FMNL2: variants seen among roughly 807,000 people sequenced by gnomAD.
FMNL2 encodes formin-like protein 2.
In FMNL2, 51 loss-of-function variants were observed where a neutral mutation model predicts 130.2. The ratio of observed to expected loss-of-function variants is 0.39; its 90% CI spans 0.31 to 0.49. FMNL2 has a LOEUF of 0.49. Ranked by LOEUF, FMNL2 falls within the 20% of genes least tolerant of loss-of-function variation. The pLI, the probability that FMNL2 is intolerant of heterozygous loss-of-function variation, is 0.85. For missense variants in FMNL2, 977 were observed against 1,316.2 expected (o/e 0.74, Z 3.99); for synonymous variants, 465 against 467.1 (o/e 1.00, Z 0.06).
intron 1 of FMNL2, among the ~76,000 whole-genome samples, chr2:152,401,346 A>G (rs1399343075): frequency 6.6e-6 from 1 of 152,232 alleles, no homozygotes; most frequent in African/African-American, 2.4e-5. Context: ...CACGTTGGAC[A>G]TCTCACCCCT....
intron 1 of FMNL2, among the ~76,000 whole-genome samples, chr2:152,426,660 T>A (rs2106069209): frequency 6.6e-6 from 1 of 152,058 alleles, no homozygotes; most frequent in East Asian, 1.9e-4. Context: ...CAGATGATTC[T>A]GATGGGCAGC....
At chr2:152,647,527 A>G (rs1323558522) in intron 25 of FMNL2, among the ~76,000 whole-genome samples, 1 of 152,250 alleles carries the variant, frequency 6.6e-6, no homozygotes, top group Non-Finnish European at 1.5e-5. Context: ...ATAAGACTTC[A>G]GCTAGACTCT....
chr2:152,511,977 A>G (rs1692517393), intron 1 of FMNL2, among the ~76,000 whole-genome samples: 1 of 152,204 alleles, frequency 6.6e-6, no homozygotes. Context: ...GAAAGTTGAC[A>G]TTCAACAGCA....
At chr2:152,548,070 C>G (rs1694742463) in intron 3 of FMNL2, among the ~76,000 whole-genome samples, 1 of 152,050 alleles carries the variant, frequency 6.6e-6, no homozygotes, top group Non-Finnish European at 1.5e-5. Context: ...GAAAGAAGCC[C>G]CGAGGGATTC....
At chr2:152,454,632 A>G (rs1255241914) in intron 1 of FMNL2, among the ~76,000 whole-genome samples, 1 of 152,190 alleles carries the variant, frequency 6.6e-6, no homozygotes, top group African/African-American at 2.4e-5. Context: ...ACCTTCCTGG[A>G]GTATTTGCTC....
At chr2:152,563,139 G>T (rs1222607969) in intron 6 of FMNL2, among the ~76,000 whole-genome samples, 1 of 152,170 alleles carries the variant, frequency 6.6e-6, no homozygotes, top group East Asian at 1.9e-4. Flanking sequence ...CTTCAAAGTG[G>T]ATCTTGCTAG....
chr2:152,605,572 G>A (rs569898919), intron 9 of FMNL2, among the ~76,000 whole-genome samples: 33 of 152,226 alleles, frequency 2.2e-4, no homozygotes, highest in African/African-American at 6.7e-4. Flanking sequence ...CGATCCTCCC[G>A]CTTTGGCCTC....
At chr2:152,528,420 A>G (rs1182352992) in intron 2 of FMNL2, among the ~76,000 whole-genome samples, 2 of 152,178 alleles carry the variant, frequency 1.3e-5, no homozygotes, top group African/African-American at 4.8e-5. Context: ...CCAAGGCCCT[A>G]AAGGAGATTT....
At chr2:152,621,641 T>A (rs1681312423) in intron 15 of FMNL2, among the ~76,000 whole-genome samples, 1 of 152,222 alleles carries the variant, frequency 6.6e-6, no homozygotes, top group Non-Finnish European at 1.5e-5. Context: ...CATTATAAGA[T>A]CCTTGTGAGT....
Position 152,626,509 on chromosome 2 carries a change from T to C in FMNL2, c.1963-16T>C, listed in dbSNP as rs781370255. Reference sequence around the variant, plus strand: ...AATATAATCCAATTTTCCATGGTCATTCCTCTCTATCTTAGGATTTAAATG... The same window carrying C: ...AATATAATCCAATTTTCCATGGTCACTCCTCTCTATCTTAGGATTTAAATG... On this transcript the variant is annotated splice_polypyrimidine_tract_variant and intron_variant, in intron 16 of 25. Coordinates refer to ENST00000288670, the MANE Select transcript of FMNL2 (RefSeq NM_052905.4). The C allele has an allele frequency of 6.3e-6, 10 of 1,580,690 alleles. No individual in the cohort carries two copies. Among genetic ancestry groups the C allele is most frequent in the Non-Finnish European group, 8.6e-6 (10 of 1,162,374 alleles).
intron 6 of FMNL2, among the ~76,000 whole-genome samples, chr2:152,574,813 G>A (rs1252021342): frequency 1.3e-5 from 2 of 152,184 alleles, no homozygotes; most frequent in African/African-American, 4.8e-5. Context: ...GATAGAGGAA[G>A]GGGAAGAACT....
intron 1 of FMNL2, among the ~76,000 whole-genome samples, chr2:152,386,245 A>AC (rs1684774917): frequency 6.6e-6 from 1 of 152,236 alleles, no homozygotes; most frequent in South Asian, 2.1e-4. Flanking sequence ...AGGGAGAATT[A>AC]CAAAGTACAG....
chr2:152,632,829 T>C (rs2105938548), intron 21 of FMNL2, among the ~76,000 whole-genome samples: 1 of 152,318 alleles, frequency 6.6e-6, no homozygotes, highest in South Asian at 2.1e-4. Context: ...AAAGGAATGA[T>C]ATGCAGATTG....
Position 152,639,989 on chromosome 2 carries a change from A to G in FMNL2, c.2978A>G (p.Lys993Arg), listed in dbSNP as rs866326693. 1.9e-6 allele frequency: 3 copies of G among 1,558,674 alleles called. No homozygotes were observed. The highest frequency in any genetic ancestry group is 1.7e-6 in the Non-Finnish European group (2 of 1,151,638). Residue 993 changes from lysine to arginine, a missense_variant, in exon 24 of 26, where the codon AAG becomes AGG. Lys to Arg is a conservative substitution (Grantham distance 26). This residue lies in a region of FMNL2 where 168 missense variants were observed against 168.8 expected (regional missense o/e 1.00). Coordinates refer to ENST00000288670, the MANE Select transcript of FMNL2 (RefSeq NM_052905.4). ...GAAGAGGAAAATGAGCTGAGGAAAAAGCAGGAACAAGCTCTCATGGAAAAA... is the reference window on the plus strand; with the variant it reads ...GAAGAGGAAAATGAGCTGAGGAAAAGGCAGGAACAAGCTCTCATGGAAAAA... The part of the protein sequence containing the change: ...QAEEENELRK[K>R]QEQALMEKLL...
chr2:152,519,503 A>G (rs1692955864), intron 1 of FMNL2, among the ~76,000 whole-genome samples: 1 of 152,218 alleles, frequency 6.6e-6, no homozygotes, highest in African/African-American at 2.4e-5. Context: ...ATGTTTGCCA[A>G]GTGCTTCCAC....
chr2:152,432,557 G>A lies in FMNL2; in HGVS notation c.118-89386G>A, dbSNP rs187142414. On this transcript the variant is annotated intron_variant, in intron 1 of 25. Coordinates refer to ENST00000288670, the MANE Select transcript of FMNL2 (RefSeq NM_052905.4). Reference sequence around the variant, plus strand: ...TTTCCAGATGCATCAGCAGATGGCCGTCCAAAGCTCTAAATTTGTACCTTG... The same window carrying A: ...TTTCCAGATGCATCAGCAGATGGCCATCCAAAGCTCTAAATTTGTACCTTG... Among the ~76,000 whole-genome samples, 8 of 152,252 alleles carry A rather than the reference G, an allele frequency of 5.3e-5. No individual in the cohort carries two copies. The East Asian group carries it at 5.8e-4, about 11-fold the overall frequency.
At chr2:152,570,524 G>A (rs1186247157) in intron 6 of FMNL2, among the ~76,000 whole-genome samples, 1 of 152,132 alleles carries the variant, frequency 6.6e-6, no homozygotes, top group Non-Finnish European at 1.5e-5. Flanking sequence ...AGCATCCAGG[G>A]CCCCAAAGGC....
In FMNL2 at chr2:152,647,858, G is replaced by C; in HGVS notation, c.3232G>C (p.Asp1078His). ...AVRRSVRRRF[D>H]DQNLRSVNGA... ...GAGGAGAAGCGTCAGGCGGCGCTTT[G>C]ATGATCAGAACTTGCGTTCTGTTAA... The change falls in exon 26 of 26, where the codon GAT (aspartate) becomes CAT (histidine). Residue 1078 changes from aspartate to histidine, a missense_variant. Asp to His is a moderately conservative substitution (Grantham distance 81). Around this residue, in one of 4 missense-constraint regions of FMNL2, gnomAD observed 168 missense variants for 168.8 expected, o/e 1.00. Coordinates refer to ENST00000288670, the MANE Select transcript of FMNL2 (RefSeq NM_052905.4). 1 of 1,613,862 alleles carries C rather than the reference G, an allele frequency of 6.2e-7. No individual in the cohort carries two copies. The highest frequency in any genetic ancestry group is 8.5e-7 in the Non-Finnish European group (1 of 1,179,836).
intron 25 of FMNL2, chr2:152,645,444 GAAT>G (rs1366279108): frequency 4.7e-6 from 6 of 1,289,234 alleles, no homozygotes; most frequent in Non-Finnish European, 6.1e-6. Context: ...CCTTAAAGAA[GAAT>G]AATATCACTA....
Sources: gnomAD v4.1 joint callset for allele counts (sites outside exome capture counted in the v4.1 genomes callset) on GRCh38, gnomAD v4.1.1 for gene constraint, gnomAD v4.1.1 regional missense constraint, MANE v1.5 for transcripts, NCBI Gene and HGNC (gene_info 2026-07-23, HGNC 2026-07-21) for gene names.